DHX16: variants seen among roughly 807,000 people sequenced by gnomAD.
DHX16 encodes the protein DEAH-box helicase 16, also known as pre-mRNA-splicing factor ATP-dependent RNA helicase DHX16.
Under a neutral mutation model 131.2 loss-of-function variants are expected in DHX16, and 81 were observed. The ratio of observed to expected loss-of-function variants is 0.62; its 90% CI spans 0.52 to 0.74. The LOEUF (loss-of-function observed/expected upper bound fraction) is 0.74, where lower values mean the gene tolerates loss of function less well. Among genes scored for constraint, DHX16 ranks in the 30% least tolerant of loss-of-function variants. The pLI is 0.00. For missense variants in DHX16, 980 were observed against 1,363.1 expected (o/e 0.72, Z 4.43); for synonymous variants, 440 against 520.2 (o/e 0.85, Z 2.10).
In DHX16 at chr6:30,653,241, C is replaced by T. The variant is rs1767624174; in HGVS notation, c.*1G>A. ...TGTCAGGTTCTGTTTACGTCCTTCT[C>T]TTACCCTAGCTCTTCTCGTGTTTTG... is the stretch of plus-strand genomic sequence containing the variant. On this transcript the variant is annotated 3_prime_UTR_variant, in exon 20 of 20. Coordinates refer to ENST00000376442, the MANE Select transcript of DHX16 (RefSeq NM_003587.5). 1.9e-6 allele frequency: 3 copies of T among 1,612,708 alleles called. No individual in the cohort carries two copies. The highest frequency in any genetic ancestry group is 8.5e-7 in the Non-Finnish European group (1 of 1,179,898).
chr6:30,670,702 C>T lies in DHX16; in HGVS notation c.609+88G>A. 1 of 1,542,158 alleles carries T rather than the reference C, an allele frequency of 6.5e-7. No homozygotes were observed. Among genetic ancestry groups the T allele is most frequent in the East Asian group, 2.2e-5 (1 of 44,466 alleles). On this transcript the variant is annotated intron_variant, in intron 3 of 19. Coordinates refer to ENST00000376442, the MANE Select transcript of DHX16 (RefSeq NM_003587.5). This position sits in a 1 kb window ranked among gnomAD's most constrained non-coding sequence, Gnocchi z 4.4. ...TCACTAGAGACAGCCCCTTGTCTTC[C>T]CAGAGATCACTATCTCTGCACTCAC... is the stretch of plus-strand genomic sequence containing the variant.
In DHX16 at chr6:30,670,431, G is replaced by C. The variant is rs1420464242; in HGVS notation, c.645C>G (p.Ala215=). ...YEEAQKRLKM[A]EEDRKAMVPE... is the part of the protein sequence containing the mutation. The stretch of plus-strand genomic sequence containing the variant: ...TCACCATGGCCTTCCGGTCTTCCTC[G>C]GCCATCTTGAGGCGCTTCTGAGCCT... The change falls in exon 4 of 20, where the codon GCC becomes GCG. Residue 215 remains alanine, a synonymous_variant. Coordinates refer to ENST00000376442, the MANE Select transcript of DHX16 (RefSeq NM_003587.5). The surrounding 1 kb of genome is among the most constrained non-coding windows in gnomAD (Gnocchi z 4.4). 1.2e-6 allele frequency: 2 copies of C among 1,611,058 alleles called. No homozygotes were observed. The highest frequency in any genetic ancestry group is 1.1e-5 in the South Asian group (1 of 90,632).
Position 30,665,663 on chromosome 6 carries a change from AG to A in DHX16, c.736del (p.Leu246TrpfsTer17). On this transcript the variant is annotated frameshift_variant, in exon 5 of 20. Transcript: ENST00000376442. LOFTEE classifies it high-confidence loss of function. This position sits in a 1 kb window ranked among gnomAD's most constrained non-coding sequence, Gnocchi z 4.8. ...CTCCTCATCAGCCAGCTCCGCCTCC[AG>A]GTCCTCAAGCTTCTCTCGCTCCCGC... ...AKREREKLED[L>X]EAELADEEFL... 6.2e-7 allele frequency: 1 copy of A among 1,612,648 alleles called. No homozygotes were observed. Among genetic ancestry groups the A allele is most frequent in the Non-Finnish European group, 8.5e-7 (1 of 1,180,012 alleles).
chr6:30,665,133 G>C lies in DHX16; in HGVS notation c.1063C>G (p.Leu355Val). The change falls in exon 6 of 20, where the codon CTG (leucine) becomes GTG (valine). Residue 355 changes from leucine to valine, a missense_variant. Leu to Val is a conservative substitution (Grantham distance 32, BLOSUM62 1). Coordinates refer to ENST00000376442, the MANE Select transcript of DHX16 (RefSeq NM_003587.5). The surrounding 1 kb of genome is among the most constrained non-coding windows in gnomAD (Gnocchi z 4.8). ...ATGGTCTCCTCCTCCTCCAGCACCA[G>C]TTGATACTTGGGCTCCTGAGAGGCA... The part of the protein sequence containing the change: ...DAASQEPKYQ[L>V]VLEEEETIEF... 5.6e-6 allele frequency: 9 copies of C among 1,613,998 alleles called. No homozygotes were observed. The highest frequency in any genetic ancestry group is 7.6e-6 in the Non-Finnish European group (9 of 1,179,972).
intron 12 of DHX16, among the ~76,000 whole-genome samples, chr6:30,658,325 C>A (rs574005767): frequency 6.6e-6 from 1 of 152,072 alleles, no homozygotes; most frequent in African/African-American, 2.4e-5. Flanking sequence ...GGCAGATCAC[C>A]TGAGGTCAGG....
At chr6:30,658,602 T>C (rs1270925430) in intron 12 of DHX16, among the ~76,000 whole-genome samples, 1 of 146,854 alleles carries the variant, frequency 6.8e-6, no homozygotes, top group Non-Finnish European at 1.5e-5. Context: ...TCCCAGCTAC[T>C]TGGGAAGCTG....
intron 7 of DHX16, among the ~76,000 whole-genome samples, chr6:30,663,501 C>T (rs1768714654): frequency 6.6e-6 from 1 of 151,552 alleles, no homozygotes; most frequent in South Asian, 2.1e-4. Flanking sequence ...GCAGACGGAT[C>T]TCCTGAGGTT....
Position 30,654,758 on chromosome 6 carries a change from C to A in DHX16, c.2945G>T (p.Arg982Leu). The change falls in exon 19 of 20, where the codon CGC (arginine) becomes CTC (leucine). Residue 982 changes from arginine to leucine, a missense_variant. Arg to Leu is a moderately radical substitution (Grantham distance 102, BLOSUM62 -2). Around this residue, in one of 3 missense-constraint regions of DHX16, gnomAD observed 214 missense variants for 271.2 expected, o/e 0.79. Coordinates refer to ENST00000376442, the MANE Select transcript of DHX16 (RefSeq NM_003587.5). ...GACAAGTTCGTGGTAGAGCAGCCAG[C>A]GTGGCTGTTGCTCAAAGAGGGAGGA... The part of the protein sequence containing the change: ...PNSSLFEQQP[R>L]WLLYHELVLT... The A allele has an allele frequency of 6.2e-7, 1 of 1,612,962 alleles. No individual in the cohort carries two copies. Among genetic ancestry groups the A allele is most frequent in the Non-Finnish European group, 8.5e-7 (1 of 1,180,020 alleles).
At position 30,660,105 on chromosome 6, in the gene DHX16, GA is replaced by G; in HGVS notation, c.1681del (p.Ser561ProfsTer36). On this transcript the variant is annotated frameshift_variant, in exon 10 of 20. Coordinates refer to ENST00000376442, the MANE Select transcript of DHX16 (RefSeq NM_003587.5). LOFTEE classifies it high-confidence loss of function. Reference protein sequence around the residue: ...ASATMDTARFSTFFDDAPVFR... With the variant: ...ASATMDTARFXTFFDDAPVFR... The stretch of plus-strand genomic sequence containing the variant: ...CACAGGGGCGTCATCAAAGAAGGTG[GA>G]AAAACGGGCAGTGTCCATTGTGGCT... 6.2e-7 allele frequency: 1 copy of G among 1,612,324 alleles called. No individual in the cohort carries two copies. Among genetic ancestry groups the G allele is most frequent in the Admixed American group, 1.7e-5 (1 of 59,790 alleles).
At chr6:30,659,972 T>C in intron 10 of DHX16, 60 bp downstream of exon 10, 1 of 1,583,350 alleles carries the variant, frequency 6.3e-7, no homozygotes, top group South Asian at 1.1e-5. Context: ...CAGGATAACC[T>C]TCTCCAAAGG....
In DHX16 at chr6:30,663,022, C is replaced by T. The variant is rs1768665835; in HGVS notation, c.1318-1G>A. The T allele has an allele frequency of 6.2e-7, 1 of 1,600,902 alleles. No individual in the cohort carries two copies. Among genetic ancestry groups the T allele is most frequent in the Admixed American group, 1.8e-5 (1 of 56,530 alleles). ...TCTTCATACCCTTGTTTGTATAACCCTGAATGACAAAGAAAAAAGAAGAAG... is the reference window on the plus strand; with the variant it reads ...TCTTCATACCCTTGTTTGTATAACCTTGAATGACAAAGAAAAAAGAAGAAG... On this transcript the variant is annotated splice_acceptor_variant, in intron 7 of 19. Coordinates refer to ENST00000376442, the MANE Select transcript of DHX16 (RefSeq NM_003587.5). LOFTEE classifies it high-confidence loss of function.
Position 30,654,851 on chromosome 6 carries a change from G to A in DHX16, c.2852C>T (p.Thr951Met), listed in dbSNP as rs757261998. 26 of 1,612,768 alleles carry A rather than the reference G, an allele frequency of 1.6e-5. No individual in the cohort carries two copies. The highest frequency in any genetic ancestry group is 2.2e-5 in the East Asian group (1 of 44,894). ...KAITAGYFYH[T>M]ARLTRSGYRT... is the part of the protein sequence containing the mutation. ...GTAGCCACTCCGAGTCAACCGTGCCGTGTGGTAAAAGTAACCAGCAGTGAT... is the reference window on the plus strand; with the variant it reads ...GTAGCCACTCCGAGTCAACCGTGCCATGTGGTAAAAGTAACCAGCAGTGAT... Residue 951 changes from threonine to methionine, a missense_variant, in exon 19 of 20, where the codon ACG becomes ATG. Thr to Met is a moderately conservative substitution (Grantham distance 81). Coordinates refer to ENST00000376442, the MANE Select transcript of DHX16 (RefSeq NM_003587.5).
rs781331484 is a variant in DHX16 at position 30,653,343 on chromosome 6, G to C, written c.3025C>G (p.Leu1009Val). ...TTATAATAATGGGGAGCCACCTCCAGAAGCCAACTGCTCTCAATCTCCAGT... is the reference window on the plus strand; with the variant it reads ...TTATAATAATGGGGAGCCACCTCCACAAGCCAACTGCTCTCAATCTCCAGT... ...QVLEIESSWL[L>V]EVAPHYYKAK... Residue 1009 changes from leucine (L) to valine (V), a missense_variant, in exon 20 of 20, where the codon CTG becomes GTG. By Grantham distance (32) the Leu-to-Val change is conservative (BLOSUM62 1). Transcript: ENST00000376442. 1.9e-5 allele frequency: 30 copies of C among 1,612,684 alleles called. No homozygotes were observed. The highest frequency in any genetic ancestry group is 1.3e-5 in the African/African-American group (1 of 74,902).
intron 1 of DHX16, 116 bp downstream of exon 1, chr6:30,672,519 G>A: frequency 2.1e-6 from 2 of 955,340 alleles, no homozygotes; most frequent in Non-Finnish European, 3.1e-6. Context: ...CAGTACCTAC[G>A]CGACAACGGA....
At chr6:30,658,717 G>C (rs759733988) in intron 12 of DHX16, among the ~76,000 whole-genome samples, 2 of 151,540 alleles carry the variant, frequency 1.3e-5, no homozygotes, top group Non-Finnish European at 2.9e-5. Flanking sequence ...TCTCAAAAAA[G>C]AAAAATAAAT....
chr6:30,665,143 G>C lies in DHX16; in HGVS notation c.1053C>G (p.Pro351=). 6.2e-7 allele frequency: 1 copy of C among 1,613,758 alleles called. No individual in the cohort carries two copies. The highest frequency in any genetic ancestry group is 2.2e-5 in the East Asian group (1 of 44,870). ...FGARDAASQE[P]KYQLVLEEEE... ...CCTCCTCCAGCACCAGTTGATACTT[G>C]GGCTCCTGAGAGGCAGCATCTCGGG... The change falls in exon 6 of 20, where the codon CCC becomes CCG. Residue 351 remains proline, a synonymous_variant. Transcript: ENST00000376442. This position sits in a 1 kb window ranked among gnomAD's most constrained non-coding sequence, Gnocchi z 4.8.
rs139838523 is a variant in DHX16 at position 30,660,076 on chromosome 6, G to A, written c.1711C>T (p.Arg571Ter). ...ACAGGAAACCTGCGTCCGGGGATTC[G>A]AAACACAGGGGCGTCATCAAAGAAG... ...STFFDDAPVF[R>*]IPGRRFPVDI... Residue 571 changes from arginine to a stop codon, truncating the protein, a stop_gained, in exon 10 of 20, where the codon CGA (arginine) becomes TGA (stop). Transcript: ENST00000376442. LOFTEE classifies it high-confidence loss of function. 84 of 1,612,846 alleles carry A rather than the reference G, an allele frequency of 5.2e-5. No homozygotes were observed. The highest frequency in any genetic ancestry group is 2.8e-4 in the African/African-American group (21 of 75,044).
Position 30,660,052 on chromosome 6 carries a change from C to T in DHX16, c.1735G>A (p.Val579Met). The T allele has an allele frequency of 3.1e-6, 5 of 1,612,828 alleles. No individual in the cohort carries two copies. Among genetic ancestry groups the T allele is most frequent in the Non-Finnish European group, 4.2e-6 (5 of 1,179,884 alleles). Residue 579 changes from valine to methionine, a missense_variant, in exon 10 of 20, where the codon GTG becomes ATG. Val to Met is a conservative substitution (Grantham distance 21). This residue lies in a region of DHX16 where 309 missense variants were observed against 537.1 expected (regional missense o/e 0.58). Transcript: ENST00000376442. ...VFRIPGRRFP[V>M]DIFYTKAPEA... is the part of the protein sequence containing the mutation. ...GGCACCTTGGTGTAGAAGATGTCCA[C>T]AGGAAACCTGCGTCCGGGGATTCGA...
intron 19 of DHX16, among the ~76,000 whole-genome samples, chr6:30,653,610 G>A (rs976355765): frequency 3.8e-4 from 1 of 2,642 alleles, no homozygotes; most frequent in Non-Finnish European, 5.6e-4. Flanking sequence ...ATGTTGCCTG[G>A]GCTGATCTTG....
Sources: allele counts gnomAD v4.1 joint callset (sites outside exome capture counted in the v4.1 genomes callset), GRCh38; gene constraint gnomAD v4.1.1; regional missense constraint gnomAD v4.1.1; non-coding constraint Gnocchi (gnomAD v3.1); transcripts MANE v1.5; gene names NCBI Gene and HGNC (gene_info 2026-07-23, HGNC 2026-07-21).